Variants in DAPK2 observed in about 807,000 individuals in gnomAD.
DAPK2 encodes the protein death-associated protein kinase 2.
A neutral mutation model predicts 44.1 loss-of-function variants in DAPK2; 35 were observed. The observed-to-expected ratio is 0.79, with a 90% CI of 0.61 to 1.05. DAPK2 has a LOEUF of 1.05. DAPK2 is among the 50% of genes least tolerant of loss of function. DAPK2 has a pLI of 0.00. For synonymous variants in DAPK2, 174 were observed against 182.6 expected (o/e 0.95, Z 0.38); for missense variants, 453 against 483.2 (o/e 0.94, Z 0.59).
At chr15:63,954,857 G>A (rs2077681717) in intron 3 of DAPK2, among the ~76,000 whole-genome samples, 1 of 152,014 alleles carries the variant, frequency 6.6e-6, no homozygotes, top group Admixed American at 6.6e-5. Flanking sequence ...TTTCATTATA[G>A]AGATCTTTCA....
chr15:64,027,208 C>T (rs1036530088), intron 1 of DAPK2, among the ~76,000 whole-genome samples: 6 of 152,066 alleles, frequency 3.9e-5, no homozygotes, highest in African/African-American at 1.4e-4. Context: ...ATGGTGAAAC[C>T]CTGTCTCTAC....
intron 3 of DAPK2, among the ~76,000 whole-genome samples, chr15:63,957,969 AC>A (rs754795830): frequency 6.6e-6 from 1 of 152,220 alleles, no homozygotes; most frequent in Admixed American, 6.5e-5. Context: ...TTACAGTCCC[AC>A]CAACGGTGTA....
At chr15:63,935,864 A>G (rs1450739403) in intron 4 of DAPK2, 8 of 151,928 alleles carry the variant, frequency 5.3e-5, no homozygotes, top group African/African-American at 7.3e-5. Flanking sequence ...AGCTCTTTCA[A>G]TTCTTCAACT....
chr15:63,991,095 G>A (rs1010388902), intron 1 of DAPK2: 7 of 382,304 alleles, frequency 1.8e-5, no homozygotes, highest in African/African-American at 1.1e-4. Context: ...ATTCCCCAAG[G>A]TCAGAGCAAG....
intron 8 of DAPK2, chr15:63,922,914 G>C: frequency 6.5e-7 from 1 of 1,535,932 alleles, no homozygotes; most frequent in Non-Finnish European, 8.7e-7. Context: ...TCCTGCCTCA[G>C]AATCTCAAAC....
At chr15:63,933,254 T>G (rs1352600272) in intron 4 of DAPK2, among the ~76,000 whole-genome samples, 1 of 152,220 alleles carries the variant, frequency 6.6e-6, no homozygotes, top group Non-Finnish European at 1.5e-5. Context: ...TTTATTTTTA[T>G]TTTTTTGAGA....
In DAPK2 at chr15:63,930,467, CAT is replaced by C; in HGVS notation, c.584-14_584-13del. 1 of 1,613,862 alleles carries C rather than the reference CAT, an allele frequency of 6.2e-7. No homozygotes were observed. The highest frequency in any genetic ancestry group is 8.5e-7 in the Non-Finnish European group (1 of 1,179,780). ...CACAATTTCTGGAGCTGAAAGAAGT[CAT>C]ATTAAATAGTCAACATGAGTGTGAA... On this transcript the variant is annotated splice_polypyrimidine_tract_variant and intron_variant, in intron 4 of 10. Coordinates refer to ENST00000261891, the Ensembl canonical transcript of DAPK2.
exon 3 of DAPK2, chr15:63,971,453 G>A (rs1380856197): frequency 1.9e-6 from 3 of 1,614,070 alleles, no homozygotes; most frequent in Non-Finnish European, 2.5e-6. Context: ...TTTTCTTTGT[G>A]TGAAGGTAGT....
intron 8 of DAPK2, among the ~76,000 whole-genome samples, chr15:63,915,580 G>A (rs2078905986): frequency 6.6e-6 from 1 of 152,224 alleles, no homozygotes; most frequent in East Asian, 1.9e-4. Context: ...TGCAGGTGTG[G>A]GGAATCTCGT....
At chr15:64,010,097 A>G (rs2079349238) in intron 1 of DAPK2, among the ~76,000 whole-genome samples, 1 of 152,196 alleles carries the variant, frequency 6.6e-6, no homozygotes, top group South Asian at 2.1e-4. Flanking sequence ...ACCCGAGACC[A>G]GTAAGATCAG....
chr15:63,954,920 A>G (rs2077683208), intron 3 of DAPK2, among the ~76,000 whole-genome samples: 1 of 151,978 alleles, frequency 6.6e-6, no homozygotes, highest in Admixed American at 6.6e-5. Flanking sequence ...AGCTATTGTA[A>G]GTGAGATTAC....
At chr15:63,953,558 T>C (rs1198628001) in intron 3 of DAPK2, among the ~76,000 whole-genome samples, 1 of 152,248 alleles carries the variant, frequency 6.6e-6, no homozygotes, top group Non-Finnish European at 1.5e-5. Flanking sequence ...TCTTGGCAAT[T>C]GTGAACAGTG....
intron 1 of DAPK2, among the ~76,000 whole-genome samples, chr15:63,986,048 C>G (rs1167122747): frequency 3.3e-5 from 5 of 152,228 alleles, no homozygotes; most frequent in Non-Finnish European, 7.3e-5. Flanking sequence ...TCTCACCTGT[C>G]TTCACTCAGG....
intron 1 of DAPK2, among the ~76,000 whole-genome samples, chr15:63,984,137 G>C (rs1317364618): frequency 3.3e-5 from 5 of 152,172 alleles, no homozygotes. Context: ...TGGGGATCCA[G>C]GTTTGGGTAG....
intron 1 of DAPK2, chr15:64,029,683 G>T (rs1012444524): frequency 3.3e-5 from 5 of 152,266 alleles, no homozygotes; most frequent in Non-Finnish European, 5.9e-5. Flanking sequence ...CACAGTGGGT[G>T]CCCAAGAATA....
intron 1 of DAPK2, among the ~76,000 whole-genome samples, chr15:64,037,590 G>A (rs1242384112): frequency 4.6e-5 from 7 of 152,296 alleles, no homozygotes; most frequent in East Asian, 1.9e-4. Flanking sequence ...TGGATGGTGC[G>A]TGGCACACAG....
intron 3 of DAPK2, among the ~76,000 whole-genome samples, chr15:63,961,815 T>C (rs1232106845): frequency 6.6e-6 from 1 of 152,192 alleles, no homozygotes; most frequent in Admixed American, 6.5e-5. Context: ...CTGACAATTA[T>C]GTGTCTTGGA....
chr15:63,929,693 G>A (rs766261972), intron 5 of DAPK2, 116 bp from the exon 7 acceptor site: 11 of 1,231,840 alleles, frequency 8.9e-6, no homozygotes, highest in Non-Finnish European at 1.3e-5. Context: ...AGCAGACCCT[G>A]GATGCCGTCT....
intron 3 of DAPK2, among the ~76,000 whole-genome samples, chr15:63,964,809 C>A (rs1218194932): frequency 6.6e-6 from 1 of 152,090 alleles, no homozygotes; most frequent in Non-Finnish European, 1.5e-5. Context: ...TTATTTAAAT[C>A]TCTTTGTTAA....
Sources: allele counts gnomAD v4.1 joint callset (sites outside exome capture counted in the v4.1 genomes callset), GRCh38; gene constraint gnomAD v4.1.1; transcripts MANE v1.5; gene names NCBI Gene and HGNC (gene_info 2026-07-23, HGNC 2026-07-21).